DLGAP4: variants seen among roughly 807,000 people sequenced by gnomAD.
DLGAP4 encodes DLG associated protein 4, also known as disks large-associated protein 4.
Under a neutral mutation model 86.9 loss-of-function variants are expected in DLGAP4, and 18 were observed. The observed-to-expected ratio is 0.21, with a 90% CI of 0.14 to 0.31. The LOEUF is 0.31. Ranked by LOEUF, DLGAP4 falls within the 10% of genes least tolerant of loss-of-function variation. DLGAP4 has a pLI of 1.00. For synonymous variants in DLGAP4, 548 were observed against 574.3 expected (o/e 0.95, Z 0.65); for missense variants, 1,085 against 1,362.6 (o/e 0.80, Z 3.21).
chr20:36,321,481 G>T (rs144487595), intron 1 of DLGAP4, among the ~76,000 whole-genome samples: 1 of 152,252 alleles, frequency 6.6e-6, no homozygotes, highest in South Asian at 2.1e-4. Flanking sequence ...ACAGCCACTC[G>T]CCAGGCTGGC....
At chr20:36,381,197 A>T (rs1213518859) in intron 2 of DLGAP4, among the ~76,000 whole-genome samples, 2 of 152,218 alleles carry the variant, frequency 1.3e-5, no homozygotes, top group African/African-American at 4.8e-5. Flanking sequence ...GCAAGCATAT[A>T]TTGTGTTTTG....
chr20:36,482,794 C>T (rs1404430742), intron 7 of DLGAP4, among the ~76,000 whole-genome samples: 2 of 152,186 alleles, frequency 1.3e-5, no homozygotes, highest in Non-Finnish European at 2.9e-5. Flanking sequence ...ACCTCAGCCT[C>T]CTGAGTAGCT....
intron 10 of DLGAP4, among the ~76,000 whole-genome samples, chr20:36,519,439 T>C (rs2037237741): frequency 1.3e-5 from 2 of 152,220 alleles, no homozygotes; most frequent in Admixed American, 1.3e-4. Context: ...TGTGCGTGCG[T>C]GTGCGTGCGT....
rs1335484880 is a variant in DLGAP4, at chr20:36,503,694, T to C, written c.2512+3083T>C. ...TGGTAGAGACGGGGTTTCACCATAT[T>C]AGCCTGGATGGTCTCAATCTCCTGA... On this transcript the variant is annotated intron_variant, in intron 10 of 12. Coordinates refer to ENST00000339266, the MANE Select transcript of DLGAP4 (RefSeq NM_001365621.2). Among the ~76,000 whole-genome samples, 5 of 152,140 alleles carry C rather than the reference T, an allele frequency of 3.3e-5. No homozygotes were observed. In the East Asian group the frequency reaches 9.7e-4, roughly 29 times the overall value.
chr20:36,522,495 A>G (rs1301188016), intron 10 of DLGAP4, among the ~76,000 whole-genome samples: 1 of 151,850 alleles, frequency 6.6e-6, no homozygotes, highest in Non-Finnish European at 1.5e-5. Flanking sequence ...GATTATTTCA[A>G]ATAAGAGATT....
chr20:36,455,780 C>G lies in DLGAP4; in HGVS notation c.1648+8843C>G, dbSNP rs528788029. 3.3e-5 allele frequency among the ~76,000 whole-genome samples: 5 copies of G among 152,268 alleles called. No homozygotes were observed. In the East Asian group the frequency reaches 5.8e-4, roughly 18 times the overall value. The stretch of plus-strand genomic sequence containing the variant: ...ACTGCCCTCCTACCCCTAACCTCCC[C>G]CCGGCACCACACACTCTGTATACAG... On this transcript the variant is annotated intron_variant, in intron 7 of 12. Coordinates refer to ENST00000339266, the MANE Select transcript of DLGAP4 (RefSeq NM_001365621.2).
intron 1 of DLGAP4, among the ~76,000 whole-genome samples, chr20:36,353,667 A>AGAGCTGGGGCTCC (rs1175578792): frequency 2.0e-5 from 3 of 152,238 alleles, no homozygotes; most frequent in Non-Finnish European, 4.4e-5. Context: ...GAGTTGGAAC[A>AGAGCTGGGGCTCC]GAGCTGGGGC....
chr20:36,413,698 C>T (rs537506033), intron 2 of DLGAP4, among the ~76,000 whole-genome samples: 1 of 152,140 alleles, frequency 6.6e-6, no homozygotes, highest in African/African-American at 2.4e-5. Context: ...GAATTACAGG[C>T]ATAAGCCACC....
At chr20:36,343,625 C>G (rs377065488) in intron 1 of DLGAP4, among the ~76,000 whole-genome samples, 1 of 152,216 alleles carries the variant, frequency 6.6e-6, no homozygotes, top group African/African-American at 2.4e-5. Flanking sequence ...AGGTACCCCC[C>G]CCCAACCCCC....
At chr20:36,518,960 T>C (rs1030598721) in intron 10 of DLGAP4, among the ~76,000 whole-genome samples, 5 of 151,854 alleles carry the variant, frequency 3.3e-5, no homozygotes, top group African/African-American at 1.2e-4. Context: ...CTACTAAAAA[T>C]ACAAAAATTA....
rs1036316843 is a variant in DLGAP4, at chr20:36,377,647, G to A, written c.-73+10372G>A. ...ACTTTCTGCCCTTCTCATTGCCACC[G>A]TCTCTGTCTCCAGCTCCCCCTTCAA... On this transcript the variant is annotated intron_variant, in intron 2 of 12. Coordinates refer to ENST00000339266, the MANE Select transcript of DLGAP4 (RefSeq NM_001365621.2). 2.0e-5 allele frequency among the ~76,000 whole-genome samples: 3 copies of A among 152,192 alleles called. 1 individual carries two copies. Among genetic ancestry groups the A allele is most frequent in the African/African-American group, 7.2e-5 (3 of 41,532 alleles).
At chr20:36,475,976 C>T (rs1600604135) in intron 7 of DLGAP4, among the ~76,000 whole-genome samples, 1 of 151,988 alleles carries the variant, frequency 6.6e-6, no homozygotes, top group Non-Finnish European at 1.5e-5. Context: ...TCTCGTGCCT[C>T]AGCCTCCCGA....
intron 1 of DLGAP4, among the ~76,000 whole-genome samples, chr20:36,333,366 C>T (rs2065289816): frequency 6.6e-6 from 1 of 152,116 alleles, no homozygotes; most frequent in African/African-American, 2.4e-5. Flanking sequence ...CCCTGAGCAC[C>T]TCACTCCGTT....
At chr20:36,452,280 G>C (rs1286639238) in intron 7 of DLGAP4, among the ~76,000 whole-genome samples, 1 of 152,032 alleles carries the variant, frequency 6.6e-6, no homozygotes, top group Non-Finnish European at 1.5e-5. Flanking sequence ...CCAGGCTCAA[G>C]CGATCCTCCT....
chr20:36,385,720 C>T (rs2031572071), intron 2 of DLGAP4, among the ~76,000 whole-genome samples: 1 of 152,236 alleles, frequency 6.6e-6, no homozygotes, highest in South Asian at 2.1e-4. Context: ...CATGGGGCTG[C>T]TGTCATGCCT....
At position 36,353,102 on chromosome 20, in the gene DLGAP4, C is replaced by T. The variant is rs1028668706; in HGVS notation, c.-303-13943C>T. Reference sequence around the variant, plus strand: ...GGCATCTCCCATGGAGATGCTGGGGCAGCCTCAGAGACTTCAGGTGGCCTA... The same window carrying T: ...GGCATCTCCCATGGAGATGCTGGGGTAGCCTCAGAGACTTCAGGTGGCCTA... On this transcript the variant is annotated intron_variant, in intron 1 of 12. Transcript: ENST00000339266. 3.9e-5 allele frequency among the ~76,000 whole-genome samples: 6 copies of T among 152,256 alleles called. No individual in the cohort carries two copies. The East Asian group carries it at 1.2e-3, about 29-fold the overall frequency.
At chr20:36,307,615 G>A (rs575426832) in intron 1 of DLGAP4, among the ~76,000 whole-genome samples, 1 of 152,318 alleles carries the variant, frequency 6.6e-6, no homozygotes, top group Admixed American at 6.5e-5. Context: ...TAAGCTTGGA[G>A]GGCAGCGCTG....
intron 2 of DLGAP4, among the ~76,000 whole-genome samples, chr20:36,415,585 T>C (rs2032629872): frequency 6.6e-6 from 1 of 152,190 alleles, no homozygotes; most frequent in South Asian, 2.1e-4. Context: ...CTGTCTGTGT[T>C]ACCTCGTTGA....
At chr20:36,499,086 T>A in intron 8 of DLGAP4, 1 of 730,746 alleles carries the variant, frequency 1.4e-6, no homozygotes, top group Non-Finnish European at 2.2e-6. Flanking sequence ...TGGCCTGCCC[T>A]CCAGGTTTCT....
Sources: gnomAD v4.1 joint callset for allele counts (sites outside exome capture counted in the v4.1 genomes callset) on GRCh38, gnomAD v4.1.1 for gene constraint, MANE v1.5 for transcripts, NCBI Gene and HGNC (gene_info 2026-07-23, HGNC 2026-07-21) for gene names.